The following VAV3 variants were observed in gnomAD, a reference collection of about 807,000 sequenced individuals.
VAV3 encodes guanine nucleotide exchange factor VAV3.
VAV3 carries 94 observed loss-of-function variants against 131.2 expected under a neutral mutation model. That is an observed-to-expected ratio of 0.72 (90% CI 0.61 to 0.85). The LOEUF (loss-of-function observed/expected upper bound fraction) is 0.85. VAV3 is among the 40% of genes least tolerant of loss of function. The pLI, the probability that VAV3 is intolerant of heterozygous loss-of-function variation, is 0.00. For missense variants in VAV3, 939 were observed against 1,002.7 expected (o/e 0.94, Z 0.86); for synonymous variants, 349 against 342.0 (o/e 1.02, Z -0.22).
intron 25 of VAV3, 25 bp downstream of exon 25, chr1:107,596,187 T>C (rs1205380272): frequency 5.6e-6 from 9 of 1,597,658 alleles, no homozygotes; most frequent in Middle Eastern, 1.7e-4. Context: ...TGACAGCAAA[T>C]TGTATTCTCA....
intron 12 of VAV3, among the ~76,000 whole-genome samples, chr1:107,753,934 G>A (rs1427628836): frequency 3.3e-5 from 5 of 152,080 alleles, no homozygotes; most frequent in Admixed American, 3.3e-4. Flanking sequence ...GAATTCTAAA[G>A]AGGAAAAATA....
At chr1:107,863,286 T>C (rs1276864255) in intron 2 of VAV3, among the ~76,000 whole-genome samples, 1 of 152,178 alleles carries the variant, frequency 6.6e-6, no homozygotes, top group East Asian at 1.9e-4. Context: ...TTACAGTTGC[T>C]CTAGTAAAGG....
At chr1:107,785,679 A>C in intron 2 of VAV3, 1 of 1,109,428 alleles carries the variant, frequency 9.0e-7, no homozygotes, top group Non-Finnish European at 1.1e-6. Flanking sequence ...GCCCCAGAAG[A>C]GGGAACTGGG....
chr1:107,602,588 C>T, intron 23 of VAV3, 104 bp from the exon 24 acceptor site: 2 of 868,240 alleles, frequency 2.3e-6, no homozygotes, highest in South Asian at 3.4e-5. Context: ...ATTAATTCTG[C>T]AGACAAAAAT....
At chr1:107,607,184 C>G (rs1652347182) in intron 22 of VAV3, among the ~76,000 whole-genome samples, 1 of 151,960 alleles carries the variant, frequency 6.6e-6, no homozygotes, top group Non-Finnish European at 1.5e-5. Context: ...GAACTCCTGA[C>G]CTCATGATCC....
At chr1:107,802,343 A>C (rs919527909) in intron 2 of VAV3, among the ~76,000 whole-genome samples, 7 of 151,812 alleles carry the variant, frequency 4.6e-5, no homozygotes, top group Non-Finnish European at 8.8e-5. Flanking sequence ...GATGGCCTTT[A>C]TTTCTTTCTC....
chr1:107,790,668 T>G (rs1666237579), intron 2 of VAV3, among the ~76,000 whole-genome samples: 1 of 148,030 alleles, frequency 6.8e-6, no homozygotes, highest in Non-Finnish European at 1.5e-5. Context: ...ACTCCTTCCT[T>G]AAATGTCTTC....
intron 1 of VAV3, among the ~76,000 whole-genome samples, chr1:107,911,310 G>A (rs1167000385): frequency 6.6e-6 from 1 of 152,096 alleles, no homozygotes; most frequent in South Asian, 2.1e-4. Flanking sequence ...TCTTTCTTAT[G>A]AGCTATGTAT....
intron 2 of VAV3, among the ~76,000 whole-genome samples, chr1:107,836,993 A>C (rs137861624): frequency 1.7e-4 from 26 of 152,190 alleles, no homozygotes; most frequent in Admixed American, 1.6e-3. Flanking sequence ...AACTGGTACC[A>C]GTCCTGCTGA....
Position 107,749,572 on chromosome 1 carries a change from C to T in VAV3, c.1282G>A (p.Ala428Thr), listed in dbSNP as rs1178106726. The part of the protein sequence containing the change: ...QERHIFLFDL[A>T]VIVCKRKGDN... Reference sequence around the variant, plus strand: ...CCTTTTCTCTTACATACGATCACTGCCAAATCAAATAAGAAGATATGCCTG... The same window carrying T: ...CCTTTTCTCTTACATACGATCACTGTCAAATCAAATAAGAAGATATGCCTG... Residue 428 changes from alanine to threonine, a missense_variant, in exon 14 of 27, where the codon GCA becomes ACA. By Grantham distance (58) the Ala-to-Thr change is moderately conservative. Coordinates refer to ENST00000370056, the MANE Select transcript of VAV3 (RefSeq NM_006113.5). 4.3e-6 allele frequency: 7 copies of T among 1,610,518 alleles called. No individual in the cohort carries two copies. The highest frequency in any genetic ancestry group is 5.9e-6 in the Non-Finnish European group (7 of 1,179,014).
chr1:107,606,404 G>A (rs12564903), intron 22 of VAV3, among the ~76,000 whole-genome samples: 54,124 of 151,824 alleles, frequency 0.36, 9,965 homozygotes, highest in Middle Eastern at 0.43. Flanking sequence ...GCAAAATTTC[G>A]TGATAATGTG....
At chr1:107,873,937 TC>T (rs1167588184) in intron 2 of VAV3, among the ~76,000 whole-genome samples, 1 of 152,176 alleles carries the variant, frequency 6.6e-6, no homozygotes, top group East Asian at 1.9e-4. Context: ...TATTTCTGTC[TC>T]AAGTTTATGC....
intron 2 of VAV3, among the ~76,000 whole-genome samples, chr1:107,847,968 A>G (rs1423145886): frequency 6.6e-6 from 1 of 152,164 alleles, no homozygotes; most frequent in Non-Finnish European, 1.5e-5. Flanking sequence ...AAAAACAGAA[A>G]ACTTCAGGCC....
Position 107,949,921 on chromosome 1 carries a change from G to A in VAV3, c.204+14745C>T, listed in dbSNP as rs77612441. 1.4e-3 allele frequency among the ~76,000 whole-genome samples: 207 copies of A among 152,212 alleles called. 1 individual carries two copies. Among genetic ancestry groups the A allele is most frequent in the African/African-American group, 4.8e-3 (200 of 41,516 alleles). On this transcript the variant is annotated intron_variant, in intron 1 of 26. Coordinates refer to ENST00000370056, the MANE Select transcript of VAV3 (RefSeq NM_006113.5). ...ACTCTAGACCAACTTTTTCTATCAG[G>A]TATTGCCTATATGATTAAAAGAAAG...
chr1:107,961,265 G>C (rs1280870740), intron 1 of VAV3, among the ~76,000 whole-genome samples: 1 of 152,120 alleles, frequency 6.6e-6, no homozygotes, highest in African/African-American at 2.4e-5. Flanking sequence ...TCTCATTCAT[G>C]ATAGATCTAG....
chr1:107,841,535 G>GC (rs1668709506), intron 2 of VAV3, among the ~76,000 whole-genome samples: 1 of 152,116 alleles, frequency 6.6e-6, no homozygotes, highest in African/African-American at 2.4e-5. Context: ...GCTTGTGGGT[G>GC]CCATAGATCA....
chr1:107,802,487 T>A (rs6682419), intron 2 of VAV3, among the ~76,000 whole-genome samples: 22,958 of 152,084 alleles, frequency 0.15, 2,009 homozygotes, highest in East Asian at 0.29. Flanking sequence ...TTGTCATATA[T>A]GGCCTTTATT....
chr1:107,598,801 T>TACACACAC (rs35317053), intron 24 of VAV3, among the ~76,000 whole-genome samples: 200 of 149,946 alleles, frequency 1.3e-3, no homozygotes, highest in Middle Eastern at 3.4e-3. Flanking sequence ...GTCTCTGGAA[T>TACACACAC]ACACACACAC....
chr1:107,643,718 A>G (rs763097622), intron 19 of VAV3, among the ~76,000 whole-genome samples: 11 of 152,162 alleles, frequency 7.2e-5, no homozygotes, highest in Non-Finnish European at 1.3e-4. Context: ...TCAGTTCTAG[A>G]TGTCCAAGTT....
Sources: allele counts gnomAD v4.1 joint callset (sites outside exome capture counted in the v4.1 genomes callset), GRCh38; gene constraint gnomAD v4.1.1; transcripts MANE v1.5; gene names NCBI Gene and HGNC (gene_info 2026-07-23, HGNC 2026-07-21).